IGF2BP2: variants seen among roughly 807,000 people sequenced by gnomAD.
IGF2BP2 encodes the protein insulin like growth factor 2 mRNA binding protein 2.
Under a neutral mutation model 75.8 loss-of-function variants are expected in IGF2BP2, and 17 were observed. That is an observed-to-expected ratio of 0.22 (90% CI 0.15 to 0.34). The LOEUF is 0.34. IGF2BP2 is among the 10% of genes least tolerant of loss of function. The pLI is 1.00. For missense variants in IGF2BP2, 516 were observed against 772.4 expected, an observed-to-expected ratio of 0.67 and a Z score of 3.93; for synonymous variants, 288 against 295.6, an observed-to-expected ratio of 0.97 and a Z score of 0.26.
chr3:185,803,160 A>G (rs9854769), intron 2 of IGF2BP2, among the ~76,000 whole-genome samples: 68,260 of 152,012 alleles, frequency 0.45, 18,367 homozygotes, highest in African/African-American at 0.77. Context: ...AGACCAGCCT[A>G]GCTAACATGG....
intron 2 of IGF2BP2, among the ~76,000 whole-genome samples, chr3:185,701,041 G>A (rs1723221243): frequency 1.3e-5 from 2 of 152,068 alleles, no homozygotes; most frequent in South Asian, 4.1e-4. Context: ...GCTGCACCAA[G>A]CAGATTTAGT....
chr3:185,724,413 C>A (rs1181133013), intron 2 of IGF2BP2: 11 of 151,784 alleles, frequency 7.2e-5, no homozygotes, highest in Admixed American at 7.2e-4. Flanking sequence ...TCCCTTTTTT[C>A]CCTCTCTCCC....
At chr3:185,653,901 A>G (rs918247129) in intron 12 of IGF2BP2, among the ~76,000 whole-genome samples, 1 of 152,168 alleles carries the variant, frequency 6.6e-6, no homozygotes, top group Non-Finnish European at 1.5e-5. Flanking sequence ...TCGGTGTTGC[A>G]TTTGTGCATG....
chr3:185,646,759 A>G, intron 15 of IGF2BP2: 1 of 466,808 alleles, frequency 2.1e-6, no homozygotes, highest in African/African-American at 2.0e-5. Context: ...GGGGCTTGGA[A>G]CCACATGGCT....
At chr3:185,774,497 A>G (rs1734281920) in intron 2 of IGF2BP2, among the ~76,000 whole-genome samples, 1 of 151,746 alleles carries the variant, frequency 6.6e-6, no homozygotes, top group Admixed American at 6.6e-5. Flanking sequence ...CAGGAGGCTG[A>G]GGCAGGAGAA....
chr3:185,695,986 C>T (rs931454565), intron 4 of IGF2BP2, among the ~76,000 whole-genome samples: 1 of 152,144 alleles, frequency 6.6e-6, no homozygotes, highest in African/African-American at 2.4e-5. Context: ...GGGGTTTTGC[C>T]ATGTTGGCCA....
intron 2 of IGF2BP2, among the ~76,000 whole-genome samples, chr3:185,794,136 T>C (rs1737019887): frequency 1.3e-5 from 2 of 151,246 alleles, no homozygotes; most frequent in Admixed American, 6.6e-5. Flanking sequence ...TTTTTTTATA[T>C]GTATATTTTG....
intron 2 of IGF2BP2, among the ~76,000 whole-genome samples, chr3:185,757,459 CTTTTTTTTTTT>C (rs57417087): frequency 1.0e-5 from 1 of 99,610 alleles, no homozygotes; most frequent in Admixed American, 1.2e-4. Flanking sequence ...ATATCTCATA[CTTTTTTTTTTT>C]TTTTTTTTTT....
At chr3:185,790,105 G>A (rs986130091) in intron 2 of IGF2BP2, among the ~76,000 whole-genome samples, 1 of 152,144 alleles carries the variant, frequency 6.6e-6, no homozygotes. Flanking sequence ...CATCCCAGAA[G>A]TAGGCTAAAG....
chr3:185,652,106 T>C lies in IGF2BP2; in HGVS notation c.1449A>G (p.Glu483=), dbSNP rs555886453. The C allele has an allele frequency of 5.0e-5, 81 of 1,612,776 alleles. 2 individuals carry two copies. In the South Asian group the frequency reaches 8.2e-4, roughly 16 times the overall value. ...CCTTGGCACTAACCTTGAACTGGGC[T>C]TCCGGTGGCCCGGTGATGATGACCA... ...ERMVIITGPP[E]AQFKAQGRIF... The change falls in exon 13 of 16, where the codon GAA becomes GAG. Residue 483 remains glutamate, a synonymous_variant. Transcript: ENST00000382199.
At chr3:185,683,763 C>A (rs1402284976) in intron 7 of IGF2BP2, among the ~76,000 whole-genome samples, 1 of 152,070 alleles carries the variant, frequency 6.6e-6, no homozygotes, top group Non-Finnish European at 1.5e-5. Flanking sequence ...AAGAAGTTTT[C>A]TGAAAAAAGG....
intron 2 of IGF2BP2, among the ~76,000 whole-genome samples, chr3:185,796,963 G>C (rs1037744107): frequency 6.6e-6 from 1 of 152,194 alleles, no homozygotes; most frequent in South Asian, 2.1e-4. Context: ...TTCCAGGTAC[G>C]AAACCAACAA....
intron 2 of IGF2BP2, among the ~76,000 whole-genome samples, chr3:185,800,866 G>T (rs1248924566): frequency 2.6e-5 from 4 of 152,070 alleles, no homozygotes; most frequent in Admixed American, 1.3e-4. Flanking sequence ...TTGACAAATG[G>T]GATCTAATTA....
At chr3:185,822,848 C>A (rs1277363363) in intron 2 of IGF2BP2, among the ~76,000 whole-genome samples, 2 of 98,550 alleles carry the variant, frequency 2.0e-5, no homozygotes, top group Admixed American at 1.3e-4. Flanking sequence ...GGGGTAGGGG[C>A]GGGAGGTGGG....
intron 2 of IGF2BP2, among the ~76,000 whole-genome samples, chr3:185,821,421 T>C (rs1377859752): frequency 1.3e-5 from 2 of 152,232 alleles, no homozygotes; most frequent in Admixed American, 6.5e-5. Flanking sequence ...CCTTCAATTC[T>C]GAACTCTTAA....
At chr3:185,693,116 A>G (rs7645326) in intron 4 of IGF2BP2, 4 of 178,630 alleles carry the variant, frequency 2.2e-5, no homozygotes, top group African/African-American at 7.1e-5. Flanking sequence ...CCATTCCCCA[A>G]TTGTTGGTAA....
chr3:185,766,058 A>G (rs1000699443), intron 2 of IGF2BP2, among the ~76,000 whole-genome samples: 1 of 152,162 alleles, frequency 6.6e-6, no homozygotes, highest in African/African-American at 2.4e-5. Flanking sequence ...AGATGGGAGA[A>G]AATGTGGAGG....
chr3:185,760,805 T>TTA (rs954643660), intron 2 of IGF2BP2, among the ~76,000 whole-genome samples: 2 of 152,190 alleles, frequency 1.3e-5, no homozygotes, highest in Admixed American at 1.3e-4. Flanking sequence ...CTGTTTCTTT[T>TTA]TGCTATGGCT....
chr3:185,663,462 G>A (rs1431164595), intron 10 of IGF2BP2, among the ~76,000 whole-genome samples: 1 of 152,124 alleles, frequency 6.6e-6, no homozygotes, highest in Non-Finnish European at 1.5e-5. Context: ...TCTTCTGGGG[G>A]GTAGGTAGAG....
Sources: gnomAD v4.1 joint callset for allele counts (sites outside exome capture counted in the v4.1 genomes callset) on GRCh38, gnomAD v4.1.1 for gene constraint, MANE v1.5 for transcripts, NCBI Gene and HGNC (gene_info 2026-07-23, HGNC 2026-07-21) for gene names.